The following CSAG1 variants were observed in gnomAD, a reference collection of about 807,000 sequenced individuals.
CSAG1 encodes the protein chondrosarcoma associated gene 1, also known as chondrosarcoma-associated gene 1 protein.
A neutral mutation model predicts 4.8 loss-of-function variants in CSAG1; 4 were observed. The ratio of observed to expected loss-of-function variants is 0.83; its 90% CI spans 0.41 to 1.90. The LOEUF is 1.90. Ranked by LOEUF, CSAG1 falls within the 40% of genes most tolerant of loss-of-function variation. The pLI is 0.03. For synonymous variants in CSAG1, 21 were observed against 23.1 expected (o/e 0.91, Z 0.26); for missense variants, 69 against 59.5 (o/e 1.16, Z -0.53).
chrX:152,732,382 T>A, intron 2 of CSAG1, 63 bp downstream of exon 2: 1 of 1,160,075 alleles, frequency 8.6e-7, no homozygotes, highest in Admixed American at 2.6e-5. Context: ...TATTCATTCA[T>A]GGGGAACACA....
chrX:152,732,704 C>A (rs1415903520), intron 1 of CSAG1, among the ~76,000 whole-genome samples, 200 bp from the exon 2 acceptor site: 3 of 112,310 alleles, frequency 2.7e-5, no homozygotes, highest in Middle Eastern at 4.7e-3. Context: ...CGGCAGATAA[C>A]AGAATGGGTA....
intron 2 of CSAG1, among the ~76,000 whole-genome samples, chrX:152,728,584 T>C (rs1932077333): frequency 8.9e-6 from 1 of 112,365 alleles, no homozygotes; most frequent in East Asian, 2.8e-4. Flanking sequence ...AAAAATTGTG[T>C]TACCTGAGGT....
At chrX:152,731,274 C>A (rs1932149995) in intron 2 of CSAG1, among the ~76,000 whole-genome samples, 1 of 111,945 alleles carries the variant, frequency 8.9e-6, no homozygotes, top group Admixed American at 9.5e-5. Context: ...CGTTTTTTAT[C>A]ACAAATATGC....
chrX:152,732,144 T>G (rs1374488850), intron 2 of CSAG1, among the ~76,000 whole-genome samples: 7 of 112,665 alleles, frequency 6.2e-5, no homozygotes, highest in South Asian at 3.7e-4. Flanking sequence ...GCCTTCAGAA[T>G]GAGGTGTGCA....
intron 2 of CSAG1, among the ~76,000 whole-genome samples, chrX:152,731,941 T>C (rs1485912001): frequency 2.7e-5 from 3 of 112,451 alleles, no homozygotes; most frequent in African/African-American, 9.7e-5. Flanking sequence ...GAACTATCAT[T>C]CCAGTCAGGA....
At chrX:152,731,321 C>T (rs1351856767) in intron 2 of CSAG1, among the ~76,000 whole-genome samples, 1 of 112,166 alleles carries the variant, frequency 8.9e-6, no homozygotes, top group Non-Finnish European at 1.9e-5. Flanking sequence ...CTGACCACTT[C>T]ATAGAAATAA....
intron 2 of CSAG1, among the ~76,000 whole-genome samples, chrX:152,729,955 TAGC>T (rs1932119462): frequency 1.0e-5 from 1 of 99,838 alleles, no homozygotes. Context: ...TCACCAAAAA[TAGC>T]AGCATCCAAA....
In CSAG1 at chrX:152,727,642, C is replaced by G; in HGVS notation, c.*152G>C. 2 of 685,768 alleles carry G rather than the reference C, an allele frequency of 2.9e-6. No homozygotes were observed. The highest frequency in any genetic ancestry group is 9.3e-4 in the Middle Eastern group (2 of 2,142). The allele number at this position is 685,768 out of a possible 1,213,427, so 56.5% of individuals were successfully genotyped here. ...TCTGGCCTTGCCTGGGAATTACTGG[C>G]TGCCCAAGGAAGCACTGGAGAAGGC... On this transcript the variant is annotated 3_prime_UTR_variant, in exon 4 of 4. Coordinates refer to ENST00000452779, the MANE Select transcript of CSAG1 (RefSeq NM_001102576.3).
chrX:152,728,490 T>C (rs2124963663), intron 2 of CSAG1, among the ~76,000 whole-genome samples: 2 of 111,879 alleles, frequency 1.8e-5, no homozygotes, highest in South Asian at 7.6e-4. Flanking sequence ...TGCAAATATC[T>C]TGCACCGTAC....
At chrX:152,731,460 C>T (rs1932153546) in intron 2 of CSAG1, among the ~76,000 whole-genome samples, 1 of 111,900 alleles carries the variant, frequency 8.9e-6, no homozygotes, top group Admixed American at 9.5e-5. Context: ...TTTTGGAGGC[C>T]AATTCTACCA....
intron 1 of CSAG1, 59 bp from the exon 2 acceptor site, chrX:152,732,563 C>T: frequency 8.6e-7 from 1 of 1,165,610 alleles, no homozygotes; most frequent in African/African-American, 1.8e-5. Context: ...AGAAAATCTA[C>T]ACAACAAAAC....
chrX:152,729,992 T>TTATATATATATATATA (rs61137896), intron 2 of CSAG1, among the ~76,000 whole-genome samples: 1,333 of 64,391 alleles, frequency 0.021, 59 homozygotes, highest in African/African-American at 0.053. Flanking sequence ...GGTGAATGGA[T>TTATATATATATATATA]TATATATATA....
intron 2 of CSAG1, among the ~76,000 whole-genome samples, chrX:152,731,228 G>C (rs1556228364): frequency 9.0e-6 from 1 of 111,560 alleles, no homozygotes; most frequent in African/African-American, 3.3e-5. Flanking sequence ...ATTAGTTTCT[G>C]TTATTCTGTA....
intron 2 of CSAG1, among the ~76,000 whole-genome samples, chrX:152,728,928 C>A (rs1303723872): frequency 3.6e-5 from 4 of 111,869 alleles, no homozygotes; most frequent in African/African-American, 1.3e-4. Flanking sequence ...CCTCTTTTAA[C>A]ATTAATCACT....
At chrX:152,732,234 T>C (rs1556228049) in intron 2 of CSAG1, among the ~76,000 whole-genome samples, 1 of 112,375 alleles carries the variant, frequency 8.9e-6, no homozygotes, top group East Asian at 2.8e-4. Flanking sequence ...CAATATGCCA[T>C]TTGCAATAGC....
chrX:152,730,465 G>C (rs183244194), intron 2 of CSAG1, among the ~76,000 whole-genome samples: 89 of 111,426 alleles, frequency 8.0e-4, no homozygotes, highest in African/African-American at 2.8e-3. Flanking sequence ...CTCATGAATG[G>C]GATCAGTGTT....
rs782100631 is a variant in CSAG1, at chrX:152,732,621, T to A, written c.-44-117A>T. 1.0e-4 allele frequency: 92 copies of A among 894,228 alleles called. No individual in the cohort carries two copies. In the East Asian group the frequency reaches 2.9e-3, roughly 28 times the overall value. 73.7% of individuals were successfully genotyped at this position (894,228 alleles called of 1,213,427 possible). On this transcript the variant is annotated intron_variant, in intron 1 of 3. Transcript: ENST00000452779. Reference sequence around the variant, plus strand: ...GAAGACCTTGTTGAGCTGGTACTTGTGTGTGACACTTGCCGTGTCGGTTAG... The same window carrying A: ...GAAGACCTTGTTGAGCTGGTACTTGAGTGTGACACTTGCCGTGTCGGTTAG...
intron 1 of CSAG1, among the ~76,000 whole-genome samples, chrX:152,732,718 T>A (rs1480192241): frequency 1.8e-5 from 2 of 111,957 alleles, no homozygotes; most frequent in Admixed American, 9.4e-5. Flanking sequence ...ATGGGTAGAA[T>A]AAAAGTTTTA....
chrX:152,729,467 A>G (rs1433299003), intron 2 of CSAG1, among the ~76,000 whole-genome samples: 6 of 112,497 alleles, frequency 5.3e-5, no homozygotes, highest in Non-Finnish European at 9.4e-5. Flanking sequence ...TGCGGTACAC[A>G]TATGTGATAA....
Sources: gnomAD v4.1 joint callset for allele counts (sites outside exome capture counted in the v4.1 genomes callset) on GRCh38, gnomAD v4.1.1 for gene constraint, MANE v1.5 for transcripts, NCBI Gene and HGNC (gene_info 2026-07-23, HGNC 2026-07-21) for gene names.